SOCS2: variants seen among roughly 807,000 people sequenced by gnomAD.
The protein encoded by SOCS2 is suppressor of cytokine signaling 2.
In SOCS2, 10 loss-of-function variants were observed where a neutral mutation model predicts 18.6. The observed-to-expected ratio is 0.54, with a 90% confidence interval of 0.33 to 0.91. The LOEUF is 0.91. Among genes scored for constraint, SOCS2 ranks in the 40% least tolerant of loss-of-function variants. The probability of loss-of-function intolerance (pLI) is 0.02; values close to 1 mark genes in which losing one functional copy is unlikely to be tolerated. For synonymous variants in SOCS2, 104 were observed against 104.0 expected, an observed-to-expected ratio of 1.00 and a Z score of 0.00; for missense variants, 231 against 247.2, an observed-to-expected ratio of 0.93 and a Z score of 0.44.
the SOCS2 span, among the ~76,000 whole-genome samples, chr12:93,592,004 AT>A: frequency 4.3e-4 from 66 of 152,284 alleles, no homozygotes; most frequent in Non-Finnish European, 7.2e-4. Flanking sequence ...TAGTTTTTCA[AT>A]TATTCTAAAA....
chr12:93,610,612 C>G, the SOCS2 span, among the ~76,000 whole-genome samples: 1 of 152,110 alleles, frequency 6.6e-6, no homozygotes, highest in Non-Finnish European at 1.5e-5. Context: ...CATGGGCACT[C>G]CAGTTCATGA....
chr12:93,612,370 T>G, the SOCS2 span, among the ~76,000 whole-genome samples: 1 of 152,128 alleles, frequency 6.6e-6, no homozygotes, highest in Non-Finnish European at 1.5e-5. Flanking sequence ...TACTTTTTTT[T>G]TTTCTGTGAT....
the SOCS2 span, among the ~76,000 whole-genome samples, chr12:93,596,358 C>T: frequency 6.6e-6 from 1 of 152,222 alleles, no homozygotes; most frequent in East Asian, 1.9e-4. Flanking sequence ...GTGGCAGAGC[C>T]GAGATTTGAA....
the SOCS2 span, among the ~76,000 whole-genome samples, chr12:93,603,619 AT>A: frequency 0.021 from 3,124 of 152,056 alleles, 118 homozygotes; most frequent in African/African-American, 0.072. Flanking sequence ...TACCTTTATT[AT>A]TTTTTTTAAA....
Position 93,572,710 on chromosome 12 carries a change from G to A in SOCS2, c.-188G>A, listed in dbSNP as rs1255614189. 4 of 813,702 alleles carry A rather than the reference G, an allele frequency of 4.9e-6. No individual in the cohort carries two copies. In the Admixed American group the frequency reaches 6.0e-5, roughly 12 times the overall value. The allele number at this position is 813,702 out of a possible 1,614,324, so 50.4% of individuals were successfully genotyped here. On this transcript the variant is annotated 5_prime_UTR_variant, in exon 1 of 2. Transcript: ENST00000551556. The surrounding 1 kb of genome is among the most constrained non-coding windows in gnomAD (Gnocchi z 5.0). Reference sequence around the variant, plus strand: ...GCGATCAGTGGGTGACCGCGGCTGCGAGGGACTTTGTCATCCGTCCTCCAG... The same window carrying A: ...GCGATCAGTGGGTGACCGCGGCTGCAAGGGACTTTGTCATCCGTCCTCCAG...
chr12:93,617,520 A>G, the SOCS2 span, among the ~76,000 whole-genome samples: 1 of 152,182 alleles, frequency 6.6e-6, no homozygotes, highest in African/African-American at 2.4e-5. Flanking sequence ...ACAGTATGTT[A>G]AATGCTGTTA....
the SOCS2 span, among the ~76,000 whole-genome samples, chr12:93,595,129 C>T: frequency 1.3e-5 from 2 of 151,820 alleles, no homozygotes; most frequent in Admixed American, 6.6e-5. Flanking sequence ...TGTGAGGGGA[C>T]GGGGGGTGAT....
the SOCS2 span, among the ~76,000 whole-genome samples, chr12:93,599,171 C>CTTT: frequency 5.6e-4 from 68 of 122,296 alleles, 2 homozygotes; most frequent in African/African-American, 1.9e-3. Flanking sequence ...TGCTGTTTGT[C>CTTT]TTTTTTTTTT....
chr12:93,577,539 C>G (rs1259202364), downstream of SOCS2, among the ~76,000 whole-genome samples: 1 of 149,960 alleles, frequency 6.7e-6, no homozygotes, highest in Non-Finnish European at 1.5e-5. Context: ...TTTTTTCCCC[C>G]GGGAGAGGAA....
At chr12:93,613,771 A>C in the SOCS2 span, among the ~76,000 whole-genome samples, 1 of 152,236 alleles carries the variant, frequency 6.6e-6, no homozygotes, top group African/African-American at 2.4e-5. Context: ...AAAATGTTAA[A>C]TATTGGTGGC....
At chr12:93,611,291 G>A in the SOCS2 span, among the ~76,000 whole-genome samples, 1 of 152,166 alleles carries the variant, frequency 6.6e-6, no homozygotes, top group African/African-American at 2.4e-5. Flanking sequence ...AGGCTGGAGT[G>A]CAGTGGTGTG....
the SOCS2 span, among the ~76,000 whole-genome samples, chr12:93,592,726 A>G: frequency 1.3e-5 from 2 of 152,164 alleles, no homozygotes; most frequent in African/African-American, 4.8e-5. Context: ...TTATTTGCTA[A>G]TTAATTGCCC....
At chr12:93,599,715 T>C in the SOCS2 span, among the ~76,000 whole-genome samples, 1 of 152,212 alleles carries the variant, frequency 6.6e-6, no homozygotes, top group Non-Finnish European at 1.5e-5. Flanking sequence ...AGAGCGAGTT[T>C]ATTATTTCAA....
intron 1 of SOCS2, chr12:93,574,016 CAA>C (rs1954368422): frequency 2.0e-5 from 3 of 152,276 alleles, no homozygotes; most frequent in South Asian, 2.1e-4. Context: ...GGGCAAAGTT[CAA>C]AAGAGTTTAG....
the SOCS2 span, among the ~76,000 whole-genome samples, chr12:93,604,722 C>T: frequency 2.0e-5 from 3 of 151,920 alleles, no homozygotes; most frequent in East Asian, 3.9e-4. Context: ...TGTAGTGGTG[C>T]GATCACAGCT....
chr12:93,624,955 C>T, the SOCS2 span, among the ~76,000 whole-genome samples: 1 of 152,200 alleles, frequency 6.6e-6, no homozygotes, highest in Non-Finnish European at 1.5e-5. Flanking sequence ...TCGACTATAC[C>T]TTATGAGCTA....
At chr12:93,613,206 C>G in the SOCS2 span, among the ~76,000 whole-genome samples, 2 of 152,046 alleles carry the variant, frequency 1.3e-5, no homozygotes, top group Admixed American at 6.5e-5. Flanking sequence ...GAATAAAGAG[C>G]CTTTTAAAAC....
chr12:93,580,944 C>T (rs748072863), downstream of SOCS2, among the ~76,000 whole-genome samples: 18 of 152,200 alleles, frequency 1.2e-4, no homozygotes, highest in Non-Finnish European at 2.4e-4. Context: ...TTTCAACTTC[C>T]TCCCCATTCT....
chr12:93,624,049 TC>T, the SOCS2 span, among the ~76,000 whole-genome samples: 2 of 151,928 alleles, frequency 1.3e-5, no homozygotes, highest in Non-Finnish European at 2.9e-5. Context: ...ATAGGTGGGG[TC>T]TTTAGGAGGT....
Sources: gnomAD v4.1 joint callset for allele counts (sites outside exome capture counted in the v4.1 genomes callset) on GRCh38, gnomAD v4.1.1 for gene constraint, Gnocchi (gnomAD v3.1) non-coding constraint, MANE v1.5 for transcripts, NCBI Gene and HGNC (gene_info 2026-07-23, HGNC 2026-07-21) for gene names.